The following DMBT1 variants were observed in gnomAD, a reference collection of about 807,000 sequenced individuals.
The protein encoded by DMBT1 is scavenger receptor cysteine-rich domain-containing protein DMBT1.
In DMBT1, 198 loss-of-function variants were observed where a neutral mutation model predicts 252.9. That is an observed-to-expected ratio of 0.78 (90% CI 0.70 to 0.88). DMBT1 has a LOEUF of 0.88. Among genes scored for constraint, DMBT1 ranks in the 40% least tolerant of loss-of-function variants. The pLI, the probability that DMBT1 is intolerant of heterozygous loss-of-function variation, is 0.00. For missense variants in DMBT1, 2,432 were observed against 2,404.7 expected, an observed-to-expected ratio of 1.01 and a Z score of -0.24; for synonymous variants, 990 against 942.7, an observed-to-expected ratio of 1.05 and a Z score of -0.92.
intron 26 of DMBT1, among the ~76,000 whole-genome samples, chr10:122,599,583 C>T (rs2097919953): frequency 3.9e-5 from 6 of 152,150 alleles, no homozygotes; most frequent in Admixed American, 3.9e-4. Context: ...TCTATCACGC[C>T]TGGGTTGTGT....
chr10:122,587,187 G>A lies in DMBT1; in HGVS notation c.1783+804G>A, dbSNP rs2097797368. On this transcript the variant is annotated intron_variant, in intron 16 of 55. Coordinates refer to ENST00000338354, the MANE Select transcript of DMBT1 (RefSeq NM_001377530.1). ...CACCTTTCCCCTACTGAAAGGTTTA[G>A]GTGAGGGTGAGGTGGATGCAGCACA... is the stretch of plus-strand genomic sequence containing the variant. 1.3e-5 allele frequency among the ~76,000 whole-genome samples: 2 copies of A among 148,280 alleles called. 1 individual carries two copies. The highest frequency in any genetic ancestry group is 1.3e-4 in the Admixed American group (2 of 14,972).
In DMBT1 at chr10:122,637,111, C is replaced by CAA; in HGVS notation, c.6758-17_6758-16insAA. On this transcript the variant is annotated splice_polypyrimidine_tract_variant and intron_variant, in intron 53 of 55. Coordinates refer to ENST00000338354, the MANE Select transcript of DMBT1 (RefSeq NM_001377530.1). ...CTGGGGCAGTGACTGAGTGCCTTAT[C>CAA]TGTCCTTGTCTATCAGACCTGCTCT... 1 of 1,611,102 alleles carries CAA rather than the reference C, an allele frequency of 6.2e-7. No homozygotes were observed. Among genetic ancestry groups the CAA allele is most frequent in the African/African-American group, 1.3e-5 (1 of 75,040 alleles).
chr10:122,598,685 C>A, intron 25 of DMBT1, 89 bp from the exon 26 acceptor site: 3 of 1,595,516 alleles, frequency 1.9e-6, no homozygotes, highest in Non-Finnish European at 2.6e-6. Context: ...GTGACTTTAG[C>A]CATTAGGACA....
intron 2 of DMBT1, among the ~76,000 whole-genome samples, chr10:122,567,938 ACC>A (rs2097614337): frequency 6.6e-6 from 1 of 152,216 alleles, no homozygotes; most frequent in South Asian, 2.1e-4. Flanking sequence ...CCACCTGGAG[ACC>A]AGTGAATCCT....
In DMBT1 at chr10:122,618,227, T is replaced by C. The variant is rs1361505719; in HGVS notation, c.5102T>C (p.Val1701Ala). The change falls in exon 41 of 56, where the codon GTC (valine) becomes GCC (alanine). Residue 1701 changes from valine (V) to alanine (A), a missense_variant. Transcript: ENST00000338354. ...AQFGQGSGPI[V>A]LDDVRCSGHE... The stretch of plus-strand genomic sequence containing the variant: ...TTTGGCCAGGGCTCAGGACCCATTG[T>C]CCTGGATGATGTGCGCTGCTCAGGA... 4 of 1,613,560 alleles carry C rather than the reference T, an allele frequency of 2.5e-6. No homozygotes were observed. Among genetic ancestry groups the C allele is most frequent in the Admixed American group, 1.7e-5 (1 of 59,982 alleles).
chr10:122,620,211 C>G, intron 42 of DMBT1, 42 bp from the exon 43 acceptor site: 1 of 1,607,618 alleles, frequency 6.2e-7, no homozygotes. Flanking sequence ...GCTTTCCTCC[C>G]TCAAGTCTAA....
At chr10:122,627,184 T>C (rs2098124813) in intron 46 of DMBT1, among the ~76,000 whole-genome samples, 1 of 152,262 alleles carries the variant, frequency 6.6e-6, no homozygotes, top group Non-Finnish European at 1.5e-5. Flanking sequence ...GCAGGGGCCA[T>C]GTCTGCCTTT....
intron 28 of DMBT1, 46 bp downstream of exon 28, chr10:122,601,069 A>G (rs2097950815): frequency 1.1e-5 from 8 of 724,464 alleles, no homozygotes; most frequent in Non-Finnish European, 1.6e-5. Flanking sequence ...GTCTCTGGAC[A>G]TATTTTGTGT....
chr10:122,569,518 G>A (rs2097641038), intron 2 of DMBT1, among the ~76,000 whole-genome samples: 1 of 152,170 alleles, frequency 6.6e-6, no homozygotes, highest in African/African-American at 2.4e-5. Context: ...AACCTTCAAG[G>A]ACACTGTCCC....
chr10:122,633,148 G>A, intron 51 of DMBT1, 43 bp from the exon 52 acceptor site: 3 of 1,608,916 alleles, frequency 1.9e-6, no homozygotes, highest in Non-Finnish European at 2.5e-6. Flanking sequence ...ACTGTGCAGT[G>A]TGCTCTGGGG....
Position 122,643,232 on chromosome 10 carries a change from G to C in DMBT1, c.7463G>C (p.Arg2488Pro). 1 of 1,613,926 alleles carries C rather than the reference G, an allele frequency of 6.2e-7. No individual in the cohort carries two copies. Among genetic ancestry groups the C allele is most frequent in the Non-Finnish European group, 8.5e-7 (1 of 1,179,876 alleles). The change falls in exon 56 of 56, where the codon CGT (arginine) becomes CCT (proline). Residue 2488 changes from arginine (R) to proline (P), a missense_variant. Physicochemically the swap from Arg to Pro is moderately radical, Grantham distance 103 (BLOSUM62 -2). Transcript: ENST00000338354. ...FLNRFPSVYL[R>P]CKMVVCRAYD... is the part of the protein sequence containing the mutation. Reference sequence around the variant, plus strand: ...AACCGCTTCCCCTCCGTGTACCTGCGTTGTAAAATGGTGGTGTGCAGAGCG... The same window carrying C: ...AACCGCTTCCCCTCCGTGTACCTGCCTTGTAAAATGGTGGTGTGCAGAGCG...
At chr10:122,622,331 A>G (rs1387925746) in intron 44 of DMBT1, among the ~76,000 whole-genome samples, 2 of 152,190 alleles carry the variant, frequency 1.3e-5, no homozygotes, top group African/African-American at 4.8e-5. Context: ...AGGATCTATT[A>G]TTAGGGATGC....
intron 18 of DMBT1, among the ~76,000 whole-genome samples, chr10:122,591,158 T>G: frequency 6.7e-6 from 1 of 148,728 alleles, no homozygotes; most frequent in Non-Finnish European, 1.5e-5. Context: ...ACATTTTAGT[T>G]TCAAGCGTGA....
intron 2 of DMBT1, among the ~76,000 whole-genome samples, chr10:122,567,146 G>C (rs1312111737): frequency 1.3e-5 from 2 of 152,228 alleles, no homozygotes; most frequent in Non-Finnish European, 2.9e-5. Context: ...CATGACTTGA[G>C]AGATCCAGAA....
chr10:122,591,633 G>T (rs2097850016), intron 19 of DMBT1, 116 bp downstream of exon 19: 5 of 1,174,344 alleles, frequency 4.3e-6, no homozygotes, highest in Non-Finnish European at 4.9e-6. Flanking sequence ...ACATCCCTGT[G>T]CGCTGAGTGG....
At chr10:122,570,300 C>T in intron 3 of DMBT1, 91 bp downstream of exon 3, 4 of 1,057,776 alleles carry the variant, frequency 3.8e-6, no homozygotes, top group Non-Finnish European at 4.4e-6. Flanking sequence ...AGAAGCCATA[C>T]TTCTAGCAAC....
intron 2 of DMBT1, among the ~76,000 whole-genome samples, chr10:122,569,740 T>C (rs1237719395): frequency 6.6e-6 from 1 of 152,212 alleles, no homozygotes; most frequent in African/African-American, 2.4e-5. Context: ...TCTGAAAAGG[T>C]TGGTATTCTT....
At chr10:122,575,496 C>T (rs939446625) in intron 6 of DMBT1, among the ~76,000 whole-genome samples, 1 of 152,066 alleles carries the variant, frequency 6.6e-6, no homozygotes. Context: ...TCAGAGGAGA[C>T]CTAACTTTAT....
At position 122,629,836 on chromosome 10, in the gene DMBT1, C is replaced by T; in HGVS notation, c.5669-4C>T. On this transcript the variant is annotated splice_region_variant and splice_polypyrimidine_tract_variant and intron_variant, in intron 46 of 55. Coordinates refer to ENST00000338354, the MANE Select transcript of DMBT1 (RefSeq NM_001377530.1). ...AATGGAGATGTCCCCTCTCTCCTCT[C>T]TAGGACCCTCTTCAAATTGTGGTGG... The T allele has an allele frequency of 6.2e-7, 1 of 1,613,854 alleles. No individual in the cohort carries two copies. The highest frequency in any genetic ancestry group is 8.5e-7 in the Non-Finnish European group (1 of 1,179,786).
Sources: gnomAD v4.1 joint callset for allele counts (sites outside exome capture counted in the v4.1 genomes callset) on GRCh38, gnomAD v4.1.1 for gene constraint, MANE v1.5 for transcripts, NCBI Gene and HGNC (gene_info 2026-07-23, HGNC 2026-07-21) for gene names.